Variants in NTRK1 observed in about 807,000 individuals in gnomAD.
The protein encoded by NTRK1 is neurotrophic receptor tyrosine kinase 1.
A neutral mutation model predicts 86.8 loss-of-function variants in NTRK1; 62 were observed. That is an observed-to-expected ratio of 0.71 (90% CI 0.58 to 0.88). The LOEUF (loss-of-function observed/expected upper bound fraction) is 0.88, where lower values mean the gene tolerates loss of function less well. Ranked by LOEUF, NTRK1 falls within the 40% of genes least tolerant of loss-of-function variation. NTRK1 has a pLI of 0.00. For missense variants in NTRK1, 967 were observed against 1,078.4 expected, an observed-to-expected ratio of 0.90 and a Z score of 1.45; for synonymous variants, 469 against 456.6, an observed-to-expected ratio of 1.03 and a Z score of -0.35.
At chr1:156,864,969 T>A in intron 3 of NTRK1, 170 bp downstream of exon 3, 1 of 696,468 alleles carries the variant, frequency 1.4e-6, no homozygotes, top group Non-Finnish European at 2.6e-6. Flanking sequence ...AGGGATGGCA[T>A]GCTCTCGCCC....
intron 2 of NTRK1, chr1:156,852,302 G>A: frequency 9.4e-7 from 1 of 1,063,310 alleles, no homozygotes; most frequent in South Asian, 1.7e-5. Flanking sequence ...TCTGCACCCA[G>A]GTCCCTCCCA....
At chr1:156,846,560 C>T (rs1408545884) in intron 2 of NTRK1, 1 of 1,614,184 alleles carries the variant, frequency 6.2e-7, no homozygotes, top group Non-Finnish European at 8.5e-7. Flanking sequence ...ACTCTGGGCT[C>T]CTTGATGAGG....
chr1:156,854,368 C>A lies in NTRK1; in HGVS notation c.51-9986C>A. ...GGCCAAATTCCCCATCCAGCCCTGG[C>A]AGCTTTGGAGGGGAGCCACACTGGC... On this transcript the variant is annotated intron_variant, in intron 2 of 16. Coordinates refer to the NTRK1 transcript ENST00000392302. The surrounding 1 kb of genome is among the most constrained non-coding windows in gnomAD (Gnocchi z 4.2). 3 of 1,476,704 alleles carry A rather than the reference C, an allele frequency of 2.0e-6. No individual in the cohort carries two copies. The highest frequency in any genetic ancestry group is 2.6e-5 in the South Asian group (2 of 76,020). The allele number at this position is 1,476,704 out of a possible 1,614,324, so 91.5% of individuals were successfully genotyped here. A position where few individuals can be genotyped will look rare whatever the true frequency, so the allele number is the denominator to read the frequency against.
At chr1:156,881,253 C>T (rs528293622) in intron 16 of NTRK1, among the ~76,000 whole-genome samples, 80 of 152,312 alleles carry the variant, frequency 5.3e-4, no homozygotes, top group African/African-American at 1.8e-3. Flanking sequence ...TTCCCATAGT[C>T]GAGCCTTAAT....
At chr1:156,864,621 G>C (rs1655838356) in intron 2 of NTRK1, 107 bp from the exon 3 acceptor site, 1 of 1,278,834 alleles carries the variant, frequency 7.8e-7, no homozygotes, top group Non-Finnish European at 1.1e-6. Flanking sequence ...GGCCTGAGGA[G>C]GGGTAGGGGT....
At chr1:156,828,033 A>C (rs1390847223) in intron 1 of NTRK1, among the ~76,000 whole-genome samples, 2 of 151,872 alleles carry the variant, frequency 1.3e-5, no homozygotes, top group Non-Finnish European at 2.9e-5. Context: ...GGCTGGTCTC[A>C]AACTCCTGGG....
rs1647275742 is a variant in NTRK1 at position 156,868,110 on chromosome 1, G to C, written c.435G>C (p.Leu145=). ...VQGLSLQELV[L]SGNPLHCSCA... ...TGTCCCCCATGCCCCCCAGGGTCCT[G>C]TCGGGGAACCCTCTGCACTGTTCTT... is the stretch of plus-strand genomic sequence containing the variant. The change falls in exon 5 of 17, where the codon CTG becomes CTC. Residue 145 remains leucine, a synonymous_variant. Transcript: ENST00000524377. The C allele has an allele frequency of 1.9e-6, 3 of 1,613,874 alleles. No individual in the cohort carries two copies. The highest frequency in any genetic ancestry group is 2.5e-6 in the Non-Finnish European group (3 of 1,180,034).
chr1:156,879,308 C>G lies in NTRK1; in HGVS notation c.1992C>G (p.Val664=), dbSNP rs752875893. ...RNCLVGQGLV[V]KIGDFGMSRD... is the part of the protein sequence containing the mutation. ...GTCTAGTGGGCCAGGGACTGGTGGT[C>G]AAGATTGGTGATTTTGGCATGAGCA... The change falls in exon 15 of 17, where the codon GTC becomes GTG. Residue 664 remains valine (V), a synonymous_variant. Coordinates refer to ENST00000524377, the MANE Select transcript of NTRK1 (RefSeq NM_002529.4). The G allele has an allele frequency of 6.2e-7, 1 of 1,612,850 alleles. No homozygotes were observed. Among genetic ancestry groups the G allele is most frequent in the Non-Finnish European group, 8.5e-7 (1 of 1,180,024 alleles).
intron 1 of NTRK1, among the ~76,000 whole-genome samples, chr1:156,827,235 C>G (rs1255875110): frequency 6.7e-6 from 1 of 149,614 alleles, no homozygotes; most frequent in Non-Finnish European, 1.5e-5. Flanking sequence ...GTGCATGCCA[C>G]CACACCCAAT....
At chr1:156,868,390 T>A in intron 5 of NTRK1, 115 bp from the exon 6 acceptor site, 1 of 1,534,452 alleles carries the variant, frequency 6.5e-7, no homozygotes, top group Non-Finnish European at 8.8e-7. Flanking sequence ...TGGGGTGACA[T>A]CGCCTGGGCT....
chr1:156,843,389 C>G (rs780628018), intron 2 of NTRK1: 1 of 1,609,254 alleles, frequency 6.2e-7, no homozygotes, highest in Non-Finnish European at 8.5e-7. Flanking sequence ...TCCTGTCTCC[C>G]TTTCCCACAC....
upstream of NTRK1, chr1:156,860,767 G>A: frequency 2.4e-6 from 3 of 1,253,588 alleles, no homozygotes; most frequent in South Asian, 2.1e-5. Flanking sequence ...AGTAGGAAGC[G>A]GGTGGAGAAG....
intron 1 of NTRK1, among the ~76,000 whole-genome samples, chr1:156,835,893 C>T (rs760551498): frequency 2.5e-4 from 38 of 152,218 alleles, no homozygotes; most frequent in Admixed American, 6.5e-5. Flanking sequence ...CCTCCCATGC[C>T]CCAGAAGTTG....
intron 7 of NTRK1, among the ~76,000 whole-genome samples, chr1:156,873,124 G>T (rs1647665570): frequency 6.7e-6 from 1 of 149,710 alleles, no homozygotes; most frequent in Non-Finnish European, 1.5e-5. Flanking sequence ...ATAACTCACT[G>T]CAGCCTTGAA....
chr1:156,824,151 A>G (rs1422523926), intron 1 of NTRK1, among the ~76,000 whole-genome samples: 1 of 152,152 alleles, frequency 6.6e-6, no homozygotes. Flanking sequence ...TGGCCAGGCC[A>G]GGTGCCACTT....
intron 14 of NTRK1, among the ~76,000 whole-genome samples, chr1:156,878,853 T>C (rs1025416682): frequency 6.6e-6 from 1 of 151,752 alleles, no homozygotes; most frequent in East Asian, 1.9e-4. Context: ...TAGGGGCCAG[T>C]GGGCATCTGG....
chr1:156,858,629 G>A (rs1655497457), upstream of NTRK1: 11 of 1,613,492 alleles, frequency 6.8e-6, no homozygotes, highest in Non-Finnish European at 7.6e-6. Flanking sequence ...CATTGTCCCA[G>A]CCCTGGCTTG....
upstream of NTRK1, among the ~76,000 whole-genome samples, chr1:156,858,114 A>G (rs1655474600): frequency 6.6e-6 from 1 of 152,160 alleles, no homozygotes; most frequent in African/African-American, 2.4e-5. Context: ...CTTAGTTCTC[A>G]GAGCTGCAGT....
At chr1:156,876,343 G>A (rs1647906224) in intron 13 of NTRK1, 57 bp from the exon 14 acceptor site, 1 of 1,611,606 alleles carries the variant, frequency 6.2e-7, no homozygotes, top group Non-Finnish European at 8.5e-7. Context: ...TGCCCTGGGT[G>A]AACAGCAGTG....
Sources: allele counts gnomAD v4.1 joint callset (sites outside exome capture counted in the v4.1 genomes callset), GRCh38; gene constraint gnomAD v4.1.1; non-coding constraint Gnocchi (gnomAD v3.1); transcripts MANE v1.5; gene names NCBI Gene and HGNC (gene_info 2026-07-23, HGNC 2026-07-21).